The following FAM170A variants were observed in gnomAD, a reference collection of about 807,000 sequenced individuals.
The protein encoded by FAM170A is protein FAM170A.
A neutral mutation model predicts 36.6 loss-of-function variants in FAM170A; 28 were observed. The observed-to-expected ratio is 0.76, with a 90% CI of 0.57 to 1.05. FAM170A has a LOEUF of 1.05. Ranked by LOEUF, FAM170A falls within the 50% of genes least tolerant of loss-of-function variation. The pLI is 0.00. For missense variants in FAM170A, 434 were observed against 396.5 expected (o/e 1.09, Z -0.80); for synonymous variants, 156 against 143.9 (o/e 1.08, Z -0.60).
At chr5:119,633,929 A>C (rs761526352) in intron 2 of FAM170A, 31 bp from the exon 3 acceptor site, 6 of 1,591,288 alleles carry the variant, frequency 3.8e-6, no homozygotes, top group Non-Finnish European at 4.3e-6. Flanking sequence ...TGGCCCATGC[A>C]TCTGCTCATG....
chr5:119,634,707 G>A (rs1463502965), exon 3 of FAM170A: 1 of 1,548,010 alleles, frequency 6.5e-7, no homozygotes, highest in Non-Finnish European at 8.7e-7. Flanking sequence ...TGTCCAGGCT[G>A]TGTGTTTCAT....
Position 119,634,302 on chromosome 5 carries a change from G to T in FAM170A, c.554G>T (p.Ser185Ile), listed in dbSNP as rs543329475. 1.9e-6 allele frequency: 3 copies of T among 1,614,208 alleles called. No homozygotes were observed. In the African/African-American group the frequency reaches 4.0e-5, roughly 22 times the overall value. Residue 185 changes from serine to isoleucine, a missense_variant, in exon 3 of 5, where the codon AGT (serine) becomes ATT (isoleucine). Coordinates refer to ENST00000613773, the Ensembl canonical transcript of FAM170A. ...TCCACCAGAAACCTCCTGTCTGACAGTGAGCCCAGTGGGGAGGAGAAAGAG... is the reference window on the plus strand; with the variant it reads ...TCCACCAGAAACCTCCTGTCTGACATTGAGCCCAGTGGGGAGGAGAAAGAG...
chr5:119,629,761 C>A lies in FAM170A; in HGVS notation c.-8C>A. ...AAGCATCTTCTAGAAACTCTTCTAG[C>A]TGATATCATGAAACGACGACAAAAG... On this transcript the variant is annotated 5_prime_UTR_variant, in exon 1 of 5. The change creates a new upstream start codon in the 5' untranslated region. Transcript: ENST00000613773. The A allele has an allele frequency of 6.2e-7, 1 of 1,611,040 alleles. No individual in the cohort carries two copies.
At chr5:119,631,105 A>G (rs1756240451) in intron 1 of FAM170A, among the ~76,000 whole-genome samples, 1 of 152,232 alleles carries the variant, frequency 6.6e-6, no homozygotes, top group Non-Finnish European at 1.5e-5. Flanking sequence ...CCCAGGCTGC[A>G]TGATAATGGC....
Position 119,634,110 on chromosome 5 carries a change from A to C in FAM170A, c.362A>C (p.Lys121Thr). ...TGTGTGTCCTCTCTGTGTGTAAACAAAGAGGAAAGGGGCATGAAAATATAC... is the reference window on the plus strand; with the variant it reads ...TGTGTGTCCTCTCTGTGTGTAAACACAGAGGAAAGGGGCATGAAAATATAC... Residue 121 changes from lysine (K) to threonine (T), a missense_variant, in exon 3 of 5, where the codon AAA becomes ACA. Physicochemically the swap from Lys to Thr is moderately conservative, Grantham distance 78. Coordinates refer to ENST00000613773, the Ensembl canonical transcript of FAM170A. 3.7e-6 allele frequency: 6 copies of C among 1,614,054 alleles called. No individual in the cohort carries two copies. Among genetic ancestry groups the C allele is most frequent in the Non-Finnish European group, 5.1e-6 (6 of 1,179,926 alleles).
intron 3 of FAM170A, 91 bp from the exon 4 acceptor site, chr5:119,634,937 C>A: frequency 6.5e-7 from 1 of 1,536,480 alleles, no homozygotes; most frequent in South Asian, 1.1e-5. Flanking sequence ...CAGGATTTGT[C>A]TTGACCTTTC....
intron 1 of FAM170A, among the ~76,000 whole-genome samples, chr5:119,631,300 C>T (rs1176333216): frequency 2.0e-5 from 3 of 152,084 alleles, no homozygotes; most frequent in Admixed American, 2.0e-4. Flanking sequence ...GGAGAGTAGG[C>T]ATGGAGAGCA....
intron 1 of FAM170A, among the ~76,000 whole-genome samples, chr5:119,631,920 C>T (rs913772767): frequency 6.6e-6 from 1 of 152,082 alleles, no homozygotes; most frequent in African/African-American, 2.4e-5. Flanking sequence ...TTAGGGTTGC[C>T]GGATAAAATA....
rs574706132 is a variant in FAM170A at position 119,635,175 on chromosome 5, A to T, written c.*52+89A>T. The T allele has an allele frequency of 7.9e-5, 70 of 884,576 alleles. 1 individual carries two copies. The East Asian group carries it at 1.3e-3, about 17-fold the overall frequency. 54.8% of individuals were successfully genotyped at this position (884,576 alleles called of 1,614,324 possible). A position where few individuals can be genotyped will look rare whatever the true frequency, so the allele number is the denominator to read the frequency against. On this transcript the variant is annotated intron_variant, in intron 4 of 4. Transcript: ENST00000613773. ...AGGAGCTGCAGGGATGCACTGGGTC[A>T]CCTGGTGGCTCTGCAGCCACATCAA...
In FAM170A at chr5:119,633,782, C is replaced by G. The variant is rs114062901; in HGVS notation, c.212-178C>G. ...GTATATGGACACCCCACCAACATCC[C>G]TACACGCAAATGACACTAGAATCAC... On this transcript the variant is annotated intron_variant, in intron 2 of 4. Transcript: ENST00000613773. 3.2e-3 allele frequency among the ~76,000 whole-genome samples: 489 copies of G among 152,268 alleles called. 3 individuals carry two copies. Among genetic ancestry groups the G allele is most frequent in the African/African-American group, 0.011 (475 of 41,556 alleles).
At chr5:119,635,414 G>C (rs768545781) in intron 4 of FAM170A, among the ~76,000 whole-genome samples, 4 of 152,204 alleles carry the variant, frequency 2.6e-5, no homozygotes, top group Non-Finnish European at 5.9e-5. Flanking sequence ...TCAGAGGTGT[G>C]GAGTCTGAGA....
intron 2 of FAM170A, among the ~76,000 whole-genome samples, chr5:119,633,568 C>G (rs901063145): frequency 6.6e-6 from 1 of 152,078 alleles, no homozygotes; most frequent in Non-Finnish European, 1.5e-5. Context: ...TACAGCCACA[C>G]GCTCCACAGG....
chr5:119,632,996 G>A, intron 2 of FAM170A, 108 bp downstream of exon 2: 1 of 1,284,106 alleles, frequency 7.8e-7, no homozygotes, highest in Non-Finnish European at 1.1e-6. Context: ...TTTGGTTGCA[G>A]TGCTGCTTGG....
At chr5:119,634,930 G>C in intron 3 of FAM170A, 98 bp from the exon 4 acceptor site, 1 of 1,495,082 alleles carries the variant, frequency 6.7e-7, no homozygotes, top group African/African-American at 1.4e-5. Context: ...TGTAAGTCAG[G>C]ATTTGTCTTG....
chr5:119,629,648 A>T, exon 1 of FAM170A: 1 of 745,540 alleles, frequency 1.3e-6, no homozygotes, highest in Non-Finnish European at 2.3e-6. Flanking sequence ...CGGAGATTCA[A>T]CTACGTTTAC....
chr5:119,635,218 G>A (rs370927692), intron 4 of FAM170A, 132 bp downstream of exon 4: 2 of 636,820 alleles, frequency 3.1e-6, no homozygotes, highest in East Asian at 5.5e-5. Flanking sequence ...TGCACCTGGT[G>A]CTTCTGGGGG....
chr5:119,633,956 C>T lies in FAM170A; in HGVS notation c.212-4C>T, dbSNP rs765326907. The T allele has an allele frequency of 1.2e-6, 2 of 1,602,192 alleles. No homozygotes were observed. The highest frequency in any genetic ancestry group is 1.7e-6 in the Non-Finnish European group (2 of 1,173,120). On this transcript the variant is annotated splice_polypyrimidine_tract_variant and splice_region_variant and intron_variant, in intron 2 of 4. Coordinates refer to ENST00000613773, the Ensembl canonical transcript of FAM170A. Reference sequence around the variant, plus strand: ...CTGCTCATGTTTCTAATTTCCTTTCCCAGGAATCCAGAGAATACATCGAGA... The same window carrying T: ...CTGCTCATGTTTCTAATTTCCTTTCTCAGGAATCCAGAGAATACATCGAGA...
exon 1 of FAM170A, chr5:119,629,614 G>T: frequency 1.7e-6 from 1 of 576,508 alleles, no homozygotes; most frequent in Non-Finnish European, 3.1e-6. Flanking sequence ...CCTTCACTAA[G>T]CGGTCTGAGT....
intron 4 of FAM170A, among the ~76,000 whole-genome samples, chr5:119,635,425 G>A (rs918870283): frequency 2.0e-5 from 3 of 152,186 alleles, no homozygotes; most frequent in Admixed American, 6.5e-5. Flanking sequence ...GAGTCTGAGA[G>A]CCTTTGGCCT....
Sources: allele counts gnomAD v4.1 joint callset (sites outside exome capture counted in the v4.1 genomes callset), GRCh38; gene constraint gnomAD v4.1.1; transcripts MANE v1.5; gene names NCBI Gene and HGNC (gene_info 2026-07-23, HGNC 2026-07-21).